The following RAPGEF4 variants were observed in gnomAD, a reference collection of about 807,000 sequenced individuals.
The protein encoded by RAPGEF4 is RAP guanine-nucleotide-exchange factor (GEF) 4.
Under a neutral mutation model 147.9 loss-of-function variants are expected in RAPGEF4, and 66 were observed. The ratio of observed to expected loss-of-function variants is 0.45; its 90% CI spans 0.37 to 0.55. The LOEUF is 0.55. Ranked by LOEUF, RAPGEF4 falls within the 20% of genes least tolerant of loss-of-function variation. RAPGEF4 has a pLI of 0.00. For missense variants in RAPGEF4, 1,071 were observed against 1,257.3 expected (o/e 0.85, Z 2.24); for synonymous variants, 419 against 442.7 (o/e 0.95, Z 0.67).
intron 4 of RAPGEF4, among the ~76,000 whole-genome samples, chr2:172,826,986 A>G (rs1689741273): frequency 6.6e-6 from 1 of 151,976 alleles, no homozygotes; most frequent in Admixed American, 6.6e-5. Context: ...GAAAAGTATG[A>G]AGTTTTAAAA....
Position 172,860,567 on chromosome 2 carries a change from G to GTT in RAPGEF4, c.444+46157_444+46158dup, listed in dbSNP as rs11400519. Among the ~76,000 whole-genome samples, 602 of 129,540 alleles carry GTT rather than the reference G, an allele frequency of 4.6e-3. 4 individuals are homozygous for GTT. The highest frequency in any genetic ancestry group is 0.015 in the African/African-American group (532 of 35,612). 85.0% of individuals were successfully genotyped at this position (129,540 alleles called of 152,430 possible). On this transcript the variant is annotated intron_variant, in intron 4 of 30. Transcript: ENST00000397081. Reference sequence around the variant, plus strand: ...CTGTGCGTGAGTTTTGTTTATTTGGGTTTTTTTTTTTTTTTTGGTTTTGTT... The same window carrying GTT: ...CTGTGCGTGAGTTTTGTTTATTTGGGTTTTTTTTTTTTTTTTTTGGTTTTGTT...
At chr2:172,997,970 C>T (rs778137432) in intron 16 of RAPGEF4, among the ~76,000 whole-genome samples, 7 of 152,096 alleles carry the variant, frequency 4.6e-5, no homozygotes, top group African/African-American at 7.2e-5. Flanking sequence ...TAGATATAAT[C>T]GTCAGGATCA....
intron 4 of RAPGEF4, among the ~76,000 whole-genome samples, chr2:172,869,690 A>C (rs1158319400): frequency 6.6e-6 from 1 of 152,156 alleles, no homozygotes; most frequent in African/African-American, 2.4e-5. Context: ...GACCTACAAA[A>C]ATGGTGATTT....
intron 4 of RAPGEF4, among the ~76,000 whole-genome samples, chr2:172,896,550 A>G (rs1417854836): frequency 1.3e-5 from 2 of 152,104 alleles, no homozygotes; most frequent in African/African-American, 4.8e-5. Context: ...AAACCTTATT[A>G]TGTGGGTTTG....
At chr2:173,026,994 G>C in intron 24 of RAPGEF4, 87 bp from the exon 25 acceptor site, 3 of 1,252,576 alleles carry the variant, frequency 2.4e-6, no homozygotes, top group Non-Finnish European at 3.3e-6. Flanking sequence ...TTGCTGACCA[G>C]TAAAACACTG....
intron 16 of RAPGEF4, among the ~76,000 whole-genome samples, chr2:173,000,176 G>A (rs1693761103): frequency 3.3e-5 from 5 of 152,106 alleles, no homozygotes; most frequent in Admixed American, 3.3e-4. Flanking sequence ...AGTATAACGG[G>A]ACTGAAGACC....
At chr2:172,787,116 G>T (rs943121260) in intron 1 of RAPGEF4, among the ~76,000 whole-genome samples, 1 of 152,146 alleles carries the variant, frequency 6.6e-6, no homozygotes. Flanking sequence ...GGAGGCTGAG[G>T]CAGGAGAATT....
chr2:173,025,600 G>A (rs553148182), intron 23 of RAPGEF4, among the ~76,000 whole-genome samples: 2 of 152,116 alleles, frequency 1.3e-5, no homozygotes, highest in Admixed American at 6.5e-5. Context: ...ATGCCACTAC[G>A]CCCAGCTAAT....
intron 29 of RAPGEF4, among the ~76,000 whole-genome samples, chr2:173,047,713 G>A (rs1685660276): frequency 6.7e-6 from 1 of 148,874 alleles, no homozygotes; most frequent in Non-Finnish European, 1.5e-5. Flanking sequence ...GTCTCACTCT[G>A]TCGCCCAGGC....
intron 3 of RAPGEF4, among the ~76,000 whole-genome samples, chr2:172,798,409 T>G (rs1415990942): frequency 2.0e-5 from 3 of 152,144 alleles, no homozygotes; most frequent in Non-Finnish European, 4.4e-5. Context: ...CCTCACTGTT[T>G]AGAGCCAAGA....
chr2:172,803,143 G>A (rs1401449335), intron 3 of RAPGEF4, among the ~76,000 whole-genome samples: 1 of 152,188 alleles, frequency 6.6e-6, no homozygotes, highest in African/African-American at 2.4e-5. Context: ...GATACCAGCT[G>A]TTTTCACAGC....
chr2:172,966,969 G>A (rs1043125234), intron 9 of RAPGEF4: 13 of 255,848 alleles, frequency 5.1e-5, no homozygotes, highest in Non-Finnish European at 8.9e-5. Context: ...TCAGGAAGAC[G>A]ATTTCTGCAG....
chr2:173,024,425 G>A (rs1696453162), intron 23 of RAPGEF4, among the ~76,000 whole-genome samples: 1 of 141,016 alleles, frequency 7.1e-6, no homozygotes, highest in African/African-American at 2.5e-5. Context: ...CACCGTTTTA[G>A]CCAGGATGGT....
intron 1 of RAPGEF4, among the ~76,000 whole-genome samples, chr2:172,787,886 C>G (rs1403724029): frequency 6.6e-6 from 1 of 152,130 alleles, no homozygotes; most frequent in East Asian, 1.9e-4. Context: ...TCCCAAAATG[C>G]TGGAATTACA....
intron 4 of RAPGEF4, among the ~76,000 whole-genome samples, chr2:172,908,664 A>C (rs149788611): frequency 6.6e-6 from 1 of 152,298 alleles, no homozygotes; most frequent in East Asian, 1.9e-4. Context: ...TCATTTTTCA[A>C]ATGAAACTAT....
intron 4 of RAPGEF4, among the ~76,000 whole-genome samples, chr2:172,841,054 C>A (rs1691532259): frequency 6.6e-6 from 1 of 152,218 alleles, no homozygotes; most frequent in Admixed American, 6.5e-5. Context: ...GTGATAGACC[C>A]TCTCCCCAGA....
intron 4 of RAPGEF4, among the ~76,000 whole-genome samples, chr2:172,890,351 T>A (rs1029503600): frequency 1.6e-4 from 24 of 152,246 alleles, no homozygotes; most frequent in African/African-American, 5.8e-4. Context: ...TCTGCCCTTT[T>A]TTTCAGGAGA....
rs187730327 is a variant in RAPGEF4, at chr2:172,873,943, A to G, written c.445-43859A>G. On this transcript the variant is annotated intron_variant, in intron 4 of 30. Transcript: ENST00000397081. Reference sequence around the variant, plus strand: ...ATTTATGCGGCCAACAAACATATGAAAAAAAGCTCATCACCACTGGTCATT... The same window carrying G: ...ATTTATGCGGCCAACAAACATATGAGAAAAAGCTCATCACCACTGGTCATT... 7.3e-4 allele frequency among the ~76,000 whole-genome samples: 111 copies of G among 152,344 alleles called. 1 individual carries two copies. Among genetic ancestry groups the G allele is most frequent in the African/African-American group, 2.5e-3 (102 of 41,576 alleles).
At chr2:172,871,646 TGAAG>T (rs972799157) in intron 4 of RAPGEF4, among the ~76,000 whole-genome samples, 1 of 150,578 alleles carries the variant, frequency 6.6e-6, no homozygotes, top group African/African-American at 2.5e-5. Flanking sequence ...TTTTTTGCAC[TGAAG>T]GTAATTCTAA....
Sources: gnomAD v4.1 joint callset for allele counts (sites outside exome capture counted in the v4.1 genomes callset) on GRCh38, gnomAD v4.1.1 for gene constraint, MANE v1.5 for transcripts, NCBI Gene and HGNC (gene_info 2026-07-23, HGNC 2026-07-21) for gene names.